Variants in NRF1 observed in about 807,000 individuals in gnomAD.
NRF1 encodes the protein nuclear respiratory factor 1, also known as alpha palindromic-binding protein.
In NRF1, 5 loss-of-function variants were observed where a neutral mutation model predicts 58.5. The ratio of observed to expected loss-of-function variants is 0.09; its 90% CI spans 0.04 to 0.18. The LOEUF (loss-of-function observed/expected upper bound fraction) is 0.18. Ranked by LOEUF, NRF1 falls within the 10% of genes least tolerant of loss-of-function variation. The pLI is 1.00. For missense variants in NRF1, 288 were observed against 657.7 expected (o/e 0.44, Z 6.15); for synonymous variants, 224 against 246.7 (o/e 0.91, Z 0.86).
intron 9 of NRF1, among the ~76,000 whole-genome samples, chr7:129,727,009 C>T (rs925292958): frequency 1.3e-5 from 2 of 152,226 alleles, no homozygotes; most frequent in Admixed American, 6.5e-5. Context: ...TTCTGAGAAA[C>T]TCTCACCATT....
chr7:129,637,102 G>C (rs1801183095), intron 1 of NRF1, among the ~76,000 whole-genome samples: 1 of 152,146 alleles, frequency 6.6e-6, no homozygotes, highest in Non-Finnish European at 1.5e-5. Flanking sequence ...TAATCACCAT[G>C]TTTCCACTTG....
At chr7:129,678,041 A>G (rs1352979843) in intron 4 of NRF1, among the ~76,000 whole-genome samples, 4 of 152,224 alleles carry the variant, frequency 2.6e-5, no homozygotes, top group Admixed American at 2.6e-4. Context: ...TTAGGAAACC[A>G]ATGCAGGATT....
At chr7:129,646,377 A>G (rs1377092629) in intron 1 of NRF1, among the ~76,000 whole-genome samples, 3 of 152,238 alleles carry the variant, frequency 2.0e-5, no homozygotes, top group African/African-American at 7.2e-5. Flanking sequence ...ATCGGGGCCT[A>G]GAAAACCATG....
intron 10 of NRF1, 26 bp downstream of exon 10, chr7:129,727,391 A>G (rs764339444): frequency 6.4e-7 from 1 of 1,566,232 alleles, no homozygotes; most frequent in South Asian, 1.2e-5. Flanking sequence ...TATTTTATTA[A>G]ATTTCTTCCC....
In NRF1 at chr7:129,657,534, C is replaced by T; in HGVS notation, c.183C>T (p.Ser61=). Residue 61 remains serine (S), a synonymous_variant, in exon 2 of 11, where the codon TCC becomes TCT. Transcript: ENST00000393232. Reference sequence around the variant, plus strand: ...ACGATGACTCAGATATACTCAACTCCACAGCAGCTGATGAGGTGACAGCTC... The same window carrying T: ...ACGATGACTCAGATATACTCAACTCTACAGCAGCTGATGAGGTGACAGCTC... ...TSYDDSDILN[S]TAADEVTAHL... The T allele has an allele frequency of 6.2e-7, 1 of 1,613,928 alleles. No individual in the cohort carries two copies. The highest frequency in any genetic ancestry group is 1.1e-5 in the South Asian group (1 of 91,062).
At position 129,744,129 on chromosome 7, in the gene NRF1, G is replaced by GC. The variant is rs1168016622; in HGVS notation, c.1349-10888dup. On this transcript the variant is annotated intron_variant, in intron 10 of 10. Transcript: ENST00000393232. ...GGGCTGGTGGCCCATCTTGCCCGGT[G>GC]CTTTTTTTTTTTTTTTTTTTTAACA... is the stretch of plus-strand genomic sequence containing the variant. 5 of 1,128,720 alleles carry GC rather than the reference G, an allele frequency of 4.4e-6. No individual in the cohort carries two copies. The African/African-American group carries it at 6.5e-5, about 15-fold the overall frequency. The allele number at this position is 1,128,720 out of a possible 1,614,324, so 69.9% of individuals were successfully genotyped here. A position where few individuals can be genotyped will look rare whatever the true frequency, so the allele number is the denominator to read the frequency against.
At chr7:129,744,315 G>A in intron 10 of NRF1, 1 of 1,180,116 alleles carries the variant, frequency 8.5e-7, no homozygotes, top group South Asian at 1.3e-5. Context: ...TTCCTGCTTG[G>A]ATGGTGGGAT....
Position 129,665,674 on chromosome 7 carries a change from A to G in NRF1, c.224-5755A>G, listed in dbSNP as rs190750468. ...GGTTTCACTCTGTTGTCCAGACTGG[A>G]GTGCAGTGGTACAATCATGGCTTAC... On this transcript the variant is annotated intron_variant, in intron 2 of 10. Coordinates refer to ENST00000393232, the MANE Select transcript of NRF1 (RefSeq NM_005011.5). 2.2e-3 allele frequency among the ~76,000 whole-genome samples: 339 copies of G among 152,126 alleles called. 2 individuals carry two copies. Among genetic ancestry groups the G allele is most frequent in the Middle Eastern group, 3.4e-3 (1 of 294 alleles).
chr7:129,637,788 G>T (rs545067107), intron 1 of NRF1, among the ~76,000 whole-genome samples: 2 of 152,076 alleles, frequency 1.3e-5, no homozygotes, highest in Non-Finnish European at 2.9e-5. Flanking sequence ...GCTGCATGCG[G>T]CCCAGGATGC....
intron 4 of NRF1, among the ~76,000 whole-genome samples, chr7:129,683,800 T>C (rs2151089592): frequency 6.6e-6 from 1 of 151,452 alleles, no homozygotes; most frequent in African/African-American, 2.4e-5. Flanking sequence ...GCCCGGCTAA[T>C]TTTTGTATTT....
At chr7:129,727,113 A>T in intron 9 of NRF1, 128 bp from the exon 10 acceptor site, 2 of 893,226 alleles carry the variant, frequency 2.2e-6, no homozygotes, top group South Asian at 4.8e-5. Context: ...GTTATCACAT[A>T]TTTGCTGGTA....
chr7:129,754,958 A>C, intron 10 of NRF1, 60 bp from the exon 11 acceptor site: 1 of 1,478,402 alleles, frequency 6.8e-7, no homozygotes, highest in Non-Finnish European at 9.0e-7. Flanking sequence ...GCCCCCGTCC[A>C]GCCAGCATCT....
chr7:129,718,242 AG>A (rs1803236122), intron 9 of NRF1, among the ~76,000 whole-genome samples: 1 of 152,114 alleles, frequency 6.6e-6, no homozygotes, highest in Non-Finnish European at 1.5e-5. Context: ...AATGGTCAAG[AG>A]TGTGAGCCTT....
intron 10 of NRF1, among the ~76,000 whole-genome samples, chr7:129,748,236 C>T (rs1015818010): frequency 7.3e-5 from 10 of 137,208 alleles, no homozygotes; most frequent in African/African-American, 2.7e-4. Flanking sequence ...GATCAGGCCA[C>T]TGCACTCCAG....
intron 10 of NRF1, among the ~76,000 whole-genome samples, chr7:129,736,367 C>T (rs925457190): frequency 3.2e-4 from 48 of 151,056 alleles, no homozygotes; most frequent in African/African-American, 1.1e-3. Flanking sequence ...CTGCAACCTC[C>T]ACCTCCTGGG....
chr7:129,648,933 A>G (rs1396964611), intron 1 of NRF1, among the ~76,000 whole-genome samples: 3 of 146,626 alleles, frequency 2.0e-5, no homozygotes, highest in Non-Finnish European at 4.5e-5. Context: ...TTTTTTTTTC[A>G]ACTGTAGAGC....
intron 1 of NRF1, among the ~76,000 whole-genome samples, chr7:129,634,026 A>AT (rs1312856255): frequency 1.4e-4 from 13 of 94,550 alleles, no homozygotes; most frequent in African/African-American, 6.5e-4. Flanking sequence ...TTACATCTGT[A>AT]TTTAAAAAAA....
intron 1 of NRF1, among the ~76,000 whole-genome samples, chr7:129,640,549 A>G (rs1002348067): frequency 6.6e-6 from 1 of 152,050 alleles, no homozygotes; most frequent in Admixed American, 6.6e-5. Flanking sequence ...CCCCAGTAAA[A>G]CCCAAATTTT....
Position 129,690,559 on chromosome 7 carries a change from A to G in NRF1, c.606+13A>G, listed in dbSNP as rs1219751820. ...CAAAATGACCCAGGTGAGGGGTGGG[A>G]GGTGAGGAGGAGACTCAAAGACAAG... On this transcript the variant is annotated intron_variant, in intron 5 of 10. Coordinates refer to ENST00000393232, the MANE Select transcript of NRF1 (RefSeq NM_005011.5). 1 of 1,613,890 alleles carries G rather than the reference A, an allele frequency of 6.2e-7. No homozygotes were observed. Among genetic ancestry groups the G allele is most frequent in the East Asian group, 2.2e-5 (1 of 44,874 alleles).
Sources: gnomAD v4.1 joint callset for allele counts (sites outside exome capture counted in the v4.1 genomes callset) on GRCh38, gnomAD v4.1.1 for gene constraint, MANE v1.5 for transcripts, NCBI Gene and HGNC (gene_info 2026-07-23, HGNC 2026-07-21) for gene names.